VASH1: variants seen among roughly 807,000 people sequenced by gnomAD.
VASH1 encodes vasohibin 1.
In VASH1, 16 loss-of-function variants were observed where a neutral mutation model predicts 35.0. The ratio of observed to expected loss-of-function variants is 0.46; its 90% confidence interval spans 0.31 to 0.70. VASH1 has a LOEUF of 0.70. Among genes scored for constraint, VASH1 ranks in the 30% least tolerant of loss-of-function variants. The pLI, the probability that VASH1 is intolerant of heterozygous loss-of-function variation, is 0.05. For missense variants in VASH1, 505 were observed against 510.7 expected (o/e 0.99, Z 0.11); for synonymous variants, 214 against 200.9 (o/e 1.07, Z -0.55).
intron 4 of VASH1, chr14:76,774,323 C>G (rs1475033982): frequency 6.6e-6 from 1 of 152,278 alleles, no homozygotes; most frequent in Non-Finnish European, 1.5e-5. Flanking sequence ...CATCCCTGCC[C>G]TGTTTATGGG....
In VASH1 at chr14:76,782,196, C is replaced by CAT. The variant is rs1346960768; in HGVS notation, c.*3181_*3182dup. 6.6e-6 allele frequency: 1 copy of CAT among 152,466 alleles called. No individual in the cohort carries two copies. The highest frequency in any genetic ancestry group is 2.4e-5 in the African/African-American group (1 of 41,468). 9.4% of individuals were successfully genotyped at this position (152,466 alleles called of 1,614,324 possible). ...CAGTCCTCTTCCTCCAAGGCCTCTGCATATTCTCATGTTCCCCTCACCCAT... is the reference window on the plus strand; with the variant it reads ...CAGTCCTCTTCCTCCAAGGCCTCTGCATATATTCTCATGTTCCCCTCACCCAT... On this transcript the variant is annotated 3_prime_UTR_variant, in exon 7 of 7. Coordinates refer to ENST00000167106, the MANE Select transcript of VASH1 (RefSeq NM_014909.5).
chr14:76,771,081 G>T, intron 2 of VASH1, 109 bp from the exon 3 acceptor site: 3 of 930,880 alleles, frequency 3.2e-6, no homozygotes, highest in African/African-American at 1.7e-5. Context: ...TTCATGCTGT[G>T]CCCCCATCTC....
At chr14:76,778,923 G>A (rs777443559) in intron 6 of VASH1, 23 bp from the exon 7 acceptor site, 15 of 1,613,074 alleles carry the variant, frequency 9.3e-6, no homozygotes, top group Admixed American at 5.0e-5. Flanking sequence ...CTCTCCTCCC[G>A]CTCTGCTCTC....
chr14:76,768,364 A>T (rs752768510), intron 1 of VASH1, among the ~76,000 whole-genome samples: 1 of 152,196 alleles, frequency 6.6e-6, no homozygotes, highest in Non-Finnish European at 1.5e-5. Flanking sequence ...GGCTCCCTCC[A>T]GACAGAGACG....
At chr14:76,772,762 C>T (rs533862917) in intron 3 of VASH1, among the ~76,000 whole-genome samples, 101 of 152,336 alleles carry the variant, frequency 6.6e-4, no homozygotes, top group Admixed American at 4.6e-3. Context: ...TCGATGCTGA[C>T]GTCCCTCCTC....
Position 76,779,130 on chromosome 14 carries a change from C to A in VASH1, c.*112C>A. ...GCTGGTGACAAGGCAGGGCAAGAGG[C>A]TGCAGGAAGAGTGTGTTCCAGCTCA... On this transcript the variant is annotated 3_prime_UTR_variant, in exon 7 of 7. Transcript: ENST00000167106. The A allele has an allele frequency of 1.7e-6, 2 of 1,207,022 alleles. No individual in the cohort carries two copies. Among genetic ancestry groups the A allele is most frequent in the Non-Finnish European group, 2.4e-6 (2 of 825,268 alleles). The allele number at this position is 1,207,022 out of a possible 1,614,324, so 74.8% of individuals were successfully genotyped here.
At chr14:76,765,206 T>C (rs1566681506) in intron 1 of VASH1, among the ~76,000 whole-genome samples, 1 of 151,814 alleles carries the variant, frequency 6.6e-6, no homozygotes, top group Non-Finnish European at 1.5e-5. Context: ...AAAAAAGAAA[T>C]AGTGAGCTCA....
At position 76,778,263 on chromosome 14, in the gene VASH1, T is replaced by C. The variant is rs548166988; in HGVS notation, c.1025+192T>C. Among the ~76,000 whole-genome samples, 4 of 152,166 alleles carry C rather than the reference T, an allele frequency of 2.6e-5. No individual in the cohort carries two copies. In the East Asian group the frequency reaches 7.7e-4, roughly 29 times the overall value. On this transcript the variant is annotated intron_variant, in intron 6 of 6. Coordinates refer to ENST00000167106, the MANE Select transcript of VASH1 (RefSeq NM_014909.5). ...TTTCCCACAGCAAGGCAGTTCTACTTCCCCAGAGAAACCAAACTCTGCTAG... is the reference window on the plus strand; with the variant it reads ...TTTCCCACAGCAAGGCAGTTCTACTCCCCCAGAGAAACCAAACTCTGCTAG...
chr14:76,765,106 G>C (rs1235443821), intron 1 of VASH1, among the ~76,000 whole-genome samples: 1 of 152,176 alleles, frequency 6.6e-6, no homozygotes, highest in Non-Finnish European at 1.5e-5. Flanking sequence ...AACAAGTCGG[G>C]CAGCTCTCCA....
chr14:76,763,280 GA>G, intron 1 of VASH1, 150 bp downstream of exon 1: 1 of 827,696 alleles, frequency 1.2e-6, no homozygotes, highest in Non-Finnish European at 1.6e-6. Flanking sequence ...CTGTCTAGGA[GA>G]ACTTTCTCTC....
rs1894107532 is a variant in VASH1, at chr14:76,781,546, T to A, written c.*2528T>A. On this transcript the variant is annotated 3_prime_UTR_variant, in exon 7 of 7. Coordinates refer to ENST00000167106, the MANE Select transcript of VASH1 (RefSeq NM_014909.5). The stretch of plus-strand genomic sequence containing the variant: ...AGATATGAGAGGGAGCCGCTCCTGG[T>A]TCTGGAGTCTTAGGAGGTTCCAACT... 6.6e-6 allele frequency: 1 copy of A among 152,118 alleles called. No homozygotes were observed. The highest frequency in any genetic ancestry group is 1.5e-5 in the Non-Finnish European group (1 of 68,050). The allele number at this position is 152,118 out of a possible 1,614,324, so 9.4% of individuals were successfully genotyped here.
In VASH1 at chr14:76,773,190, T is replaced by A; in HGVS notation, c.509T>A (p.Leu170Gln). The A allele has an allele frequency of 6.2e-7, 1 of 1,614,140 alleles. No individual in the cohort carries two copies. Residue 170 changes from leucine to glutamine, a missense_variant, in exon 4 of 7, where the codon CTG becomes CAG. Physicochemically the swap from Leu to Gln is moderately radical, Grantham distance 113. Transcript: ENST00000167106. ...AAAGAGGCCCTGCCAATCAAATGCC[T>A]GGAAGCCGTGATCCTGGGAATGTAT... is the stretch of plus-strand genomic sequence containing the variant. ...MTKEALPIKC[L>Q]EAVILGIYLT...
intron 3 of VASH1, 121 bp from the exon 4 acceptor site, chr14:76,773,016 G>A: frequency 5.6e-6 from 5 of 885,486 alleles, no homozygotes; most frequent in South Asian, 1.8e-5. Flanking sequence ...TGAGCTGAGA[G>A]CAGCTTAGGG....
At chr14:76,778,678 T>C (rs1894013635) in intron 6 of VASH1, among the ~76,000 whole-genome samples, 1 of 152,230 alleles carries the variant, frequency 6.6e-6, no homozygotes, top group Non-Finnish European at 1.5e-5. Flanking sequence ...GACAGATTTA[T>C]ACTTTAAGCT....
In VASH1 at chr14:76,775,460, G is replaced by A. The variant is rs2040856361; in HGVS notation, c.531-432G>A. ...ACAGGCAGGGTTGCATGTGGATATGGGGAGAGGACAGGGTGAGGGTAAGAG... is the reference window on the plus strand; with the variant it reads ...ACAGGCAGGGTTGCATGTGGATATGAGGAGAGGACAGGGTGAGGGTAAGAG... On this transcript the variant is annotated intron_variant, in intron 4 of 6. Transcript: ENST00000167106. Among the ~76,000 whole-genome samples the A allele has an allele frequency of 2.0e-5, 3 of 152,142 alleles. 1 individual carries two copies. Among genetic ancestry groups the A allele is most frequent in the Admixed American group, 1.3e-4 (2 of 15,282 alleles).
intron 1 of VASH1, among the ~76,000 whole-genome samples, chr14:76,765,117 G>A (rs1893607693): frequency 6.6e-6 from 1 of 152,130 alleles, no homozygotes; most frequent in South Asian, 2.1e-4. Context: ...CAGCTCTCCA[G>A]CCATCTTGCT....
At position 76,761,841 on chromosome 14, in the gene VASH1, C is replaced by G. The variant is rs1478390426; in HGVS notation, c.-981C>G. On this transcript the variant is annotated 5_prime_UTR_variant, in exon 1 of 7. Coordinates refer to ENST00000167106, the MANE Select transcript of VASH1 (RefSeq NM_014909.5). ...CGCCACCGCCCATGCTGCAGCCAGTCCCAGGCAGCGACCCCGCGGCCGCAG... is the reference window on the plus strand; with the variant it reads ...CGCCACCGCCCATGCTGCAGCCAGTGCCAGGCAGCGACCCCGCGGCCGCAG... Among the ~76,000 whole-genome samples the G allele has an allele frequency of 2.0e-5, 3 of 151,692 alleles. No homozygotes were observed. The highest frequency in any genetic ancestry group is 2.9e-5 in the Non-Finnish European group (2 of 67,856).
In VASH1 at chr14:76,779,030, G is replaced by A; in HGVS notation, c.*12G>A. 2 of 1,613,696 alleles carry A rather than the reference G, an allele frequency of 1.2e-6. No individual in the cohort carries two copies. Among genetic ancestry groups the A allele is most frequent in the Non-Finnish European group, 1.7e-6 (2 of 1,179,966 alleles). On this transcript the variant is annotated 3_prime_UTR_variant, in exon 7 of 7. Coordinates refer to ENST00000167106, the MANE Select transcript of VASH1 (RefSeq NM_014909.5). ...AGATCCGGGTCTGAGGCGGATGCCAGCACCCCAGGCCCCACCCACTCTTGG... is the reference window on the plus strand; with the variant it reads ...AGATCCGGGTCTGAGGCGGATGCCAACACCCCAGGCCCCACCCACTCTTGG...
chr14:76,776,473 G>T (rs1404425182), intron 5 of VASH1, among the ~76,000 whole-genome samples, 200 bp downstream of exon 5: 1 of 152,166 alleles, frequency 6.6e-6, no homozygotes, highest in Non-Finnish European at 1.5e-5. Context: ...GGGTGGGCTG[G>T]GTTTGGATGG....
Sources: allele counts gnomAD v4.1 joint callset (sites outside exome capture counted in the v4.1 genomes callset), GRCh38; gene constraint gnomAD v4.1.1; transcripts MANE v1.5; gene names NCBI Gene and HGNC (gene_info 2026-07-23, HGNC 2026-07-21).